The following ENAH variants were observed in gnomAD, a reference collection of about 807,000 sequenced individuals.
ENAH encodes protein enabled homolog.
In ENAH, 23 loss-of-function variants were observed where a neutral mutation model predicts 78.7. The ratio of observed to expected loss-of-function variants is 0.29; its 90% confidence interval spans 0.21 to 0.41. The LOEUF (loss-of-function observed/expected upper bound fraction) is 0.41, where lower values mean the gene tolerates loss of function less well. Ranked by LOEUF, ENAH falls within the 10% of genes least tolerant of loss-of-function variation. The pLI, the probability that ENAH is intolerant of heterozygous loss-of-function variation, is 1.00. For missense variants in ENAH, 544 were observed against 691.0 expected (o/e 0.79, Z 2.39); for synonymous variants, 226 against 241.0 (o/e 0.94, Z 0.58).
rs1426152335 is a variant in ENAH, at chr1:225,639,740, ACAC to A, written c.5+12943_5+12945del. ...CACACACACACACACACACACACAC[ACAC>A]AAGAAGGATGGTCCTACTTCCTCCA... On this transcript the variant is annotated intron_variant, in intron 1 of 13. Transcript: ENST00000366843. Among the ~76,000 whole-genome samples, 6 of 132,884 alleles carry A rather than the reference ACAC, an allele frequency of 4.5e-5. No homozygotes were observed. In the South Asian group the frequency reaches 6.6e-4, roughly 15 times the overall value. 87.2% of individuals were successfully genotyped at this position (132,884 alleles called of 152,430 possible). A position where few individuals can be genotyped will look rare whatever the true frequency, so the allele number is the denominator to read the frequency against.
At chr1:225,562,660 A>T (rs997563795) in intron 2 of ENAH, among the ~76,000 whole-genome samples, 1 of 147,168 alleles carries the variant, frequency 6.8e-6, no homozygotes, top group Non-Finnish European at 1.5e-5. Flanking sequence ...AAAATGAAGT[A>T]TTTTTTTATA....
intron 1 of ENAH, among the ~76,000 whole-genome samples, chr1:225,618,916 A>C (rs1656297342): frequency 6.6e-6 from 1 of 152,192 alleles, no homozygotes; most frequent in South Asian, 2.1e-4. Context: ...GAGAGAGAGA[A>C]GGCCTACTTT....
chr1:225,586,818 G>A (rs773524330), intron 1 of ENAH, among the ~76,000 whole-genome samples: 5 of 152,024 alleles, frequency 3.3e-5, no homozygotes, highest in Non-Finnish European at 5.9e-5. Context: ...GAGGGCAGGA[G>A]TTCGAGACCA....
intron 2 of ENAH, among the ~76,000 whole-genome samples, chr1:225,564,058 T>C (rs1425927072): frequency 1.3e-5 from 2 of 152,192 alleles, no homozygotes; most frequent in Non-Finnish European, 2.9e-5. Context: ...TATTCTTTTT[T>C]TCATTCCTAA....
intron 1 of ENAH, among the ~76,000 whole-genome samples, chr1:225,643,097 G>A (rs575475576): frequency 6.6e-6 from 1 of 152,312 alleles, no homozygotes; most frequent in African/African-American, 2.4e-5. Context: ...TGGGAACTTG[G>A]AATGCAGAGC....
At chr1:225,542,128 C>T (rs756498195) in intron 3 of ENAH, among the ~76,000 whole-genome samples, 11 of 152,192 alleles carry the variant, frequency 7.2e-5, no homozygotes, top group Non-Finnish European at 1.3e-4. Context: ...GTGATCCTTT[C>T]ACCTTGGCCT....
At chr1:225,499,224 C>T (rs574916677) in intron 12 of ENAH, among the ~76,000 whole-genome samples, 4 of 152,164 alleles carry the variant, frequency 2.6e-5, no homozygotes, top group South Asian at 4.1e-4. Flanking sequence ...CGGTGGCTCA[C>T]GCCACTGCAC....
chr1:225,629,087 G>C (rs2148333944), intron 1 of ENAH, among the ~76,000 whole-genome samples: 1 of 151,734 alleles, frequency 6.6e-6, no homozygotes, highest in Non-Finnish European at 1.5e-5. Flanking sequence ...GGACCAGCCT[G>C]GCCAACATGG....
chr1:225,645,488 A>G (rs1661796092), intron 1 of ENAH, among the ~76,000 whole-genome samples: 1 of 152,218 alleles, frequency 6.6e-6, no homozygotes, highest in Non-Finnish European at 1.5e-5. Flanking sequence ...GAATAACGAT[A>G]CTATAGACAT....
chr1:225,588,532 G>A (rs528778465), intron 1 of ENAH, among the ~76,000 whole-genome samples: 4 of 152,190 alleles, frequency 2.6e-5, no homozygotes, highest in South Asian at 2.1e-4. Context: ...AGTTGGGGCC[G>A]GGCATAGTGG....
chr1:225,525,755 G>C (rs2096499067), intron 4 of ENAH, among the ~76,000 whole-genome samples: 2 of 152,254 alleles, frequency 1.3e-5, no homozygotes, highest in East Asian at 3.9e-4. Context: ...GGAGATTTTA[G>C]ACTGGAAAGA....
chr1:225,623,008 A>G (rs1408094223), intron 1 of ENAH, among the ~76,000 whole-genome samples: 1 of 152,202 alleles, frequency 6.6e-6, no homozygotes, highest in African/African-American at 2.4e-5. Flanking sequence ...AACCTTCTCA[A>G]CTTGAAACAG....
chr1:225,628,978 T>C (rs184992230), intron 1 of ENAH, among the ~76,000 whole-genome samples: 2 of 150,236 alleles, frequency 1.3e-5, no homozygotes, highest in South Asian at 2.1e-4. Flanking sequence ...GTAAGTCTGG[T>C]TGAGCAAGAC....
chr1:225,487,899 G>A lies in ENAH; in HGVS notation c.*9876C>T, dbSNP rs1184076881. 1 of 151,838 alleles carries A rather than the reference G, an allele frequency of 6.6e-6. No homozygotes were observed. Among genetic ancestry groups the A allele is most frequent in the Non-Finnish European group, 1.5e-5 (1 of 68,002 alleles). The allele number at this position is 151,838 out of a possible 1,614,324, so 9.4% of individuals were successfully genotyped here. On this transcript the variant is annotated 3_prime_UTR_variant, in exon 14 of 14. Transcript: ENST00000366843. ...TTCACTTTTAAATTTTTTCTACTGT[G>A]CTGTTCTACTATATACTTTTGGTCT...
intron 2 of ENAH, among the ~76,000 whole-genome samples, chr1:225,557,063 T>C (rs1405793866): frequency 6.6e-6 from 1 of 152,228 alleles, no homozygotes; most frequent in Admixed American, 6.5e-5. Flanking sequence ...TAGATGACCA[T>C]TAGAGTGTGT....
intron 1 of ENAH, among the ~76,000 whole-genome samples, chr1:225,635,010 TAAC>T (rs1045248766): frequency 6.6e-6 from 1 of 152,232 alleles, no homozygotes; most frequent in African/African-American, 2.4e-5. Context: ...ACTGTCACCT[TAAC>T]AATATCAAGT....
At chr1:225,565,794 G>T (rs1360484971) in intron 2 of ENAH, among the ~76,000 whole-genome samples, 1 of 152,054 alleles carries the variant, frequency 6.6e-6, no homozygotes, top group Non-Finnish European at 1.5e-5. Flanking sequence ...TGGGAGACCA[G>T]AAAAAGGCTG....
intron 3 of ENAH, among the ~76,000 whole-genome samples, chr1:225,552,134 C>CTT (rs397983036): frequency 0.054 from 6,272 of 115,886 alleles, 446 homozygotes; most frequent in African/African-American, 0.081. Flanking sequence ...ACTCCTGATT[C>CTT]TTTTTTTTTT....
At chr1:225,624,874 A>G (rs775165679) in intron 1 of ENAH, among the ~76,000 whole-genome samples, 12 of 152,178 alleles carry the variant, frequency 7.9e-5, no homozygotes, top group Non-Finnish European at 1.2e-4. Context: ...CCAGGTCACA[A>G]TCTTACATGG....
Sources: allele counts gnomAD v4.1 joint callset (sites outside exome capture counted in the v4.1 genomes callset), GRCh38; gene constraint gnomAD v4.1.1; transcripts MANE v1.5; gene names NCBI Gene and HGNC (gene_info 2026-07-23, HGNC 2026-07-21).